Variants in STKLD1 observed in about 807,000 individuals in gnomAD.
STKLD1 encodes serine/threonine kinase like domain containing 1.
Under a neutral mutation model 80.4 loss-of-function variants are expected in STKLD1, and 79 were observed. That is an observed-to-expected ratio of 0.98 (90% CI 0.82 to 1.19). The LOEUF is 1.19. Among genes scored for constraint, STKLD1 ranks in the 50% most tolerant of loss-of-function variants. STKLD1 has a pLI of 0.00. For synonymous variants in STKLD1, 393 were observed against 357.6 expected, an observed-to-expected ratio of 1.10 and a Z score of -1.12; for missense variants, 841 against 856.0, an observed-to-expected ratio of 0.98 and a Z score of 0.22.
Position 133,385,779 on chromosome 9 carries a change from C to A in STKLD1, c.294+88C>A, listed in dbSNP as rs2130275569. ...CTGAGCCCAGAGCACGCCCACCCCC[C>A]ACTGTCAGAATAGCTCGTGTGGCAA... On this transcript the variant is annotated intron_variant, in intron 4 of 17. Coordinates refer to ENST00000371957, the MANE Select transcript of STKLD1 (RefSeq NM_153710.5). This position sits in a 1 kb window ranked among gnomAD's most constrained non-coding sequence, Gnocchi z 4.9. 1.5e-5 allele frequency: 19 copies of A among 1,245,902 alleles called. No individual in the cohort carries two copies. In the East Asian group the frequency reaches 4.4e-4, roughly 29 times the overall value. 77.2% of individuals were successfully genotyped at this position (1,245,902 alleles called of 1,614,324 possible). A position where few individuals can be genotyped will look rare whatever the true frequency, so the allele number is the denominator to read the frequency against.
In STKLD1 at chr9:133,394,251, A is replaced by G; in HGVS notation, c.584-40A>G. On this transcript the variant is annotated intron_variant, in intron 7 of 17. Coordinates refer to ENST00000371957, the MANE Select transcript of STKLD1 (RefSeq NM_153710.5). This position sits in a 1 kb window ranked among gnomAD's most constrained non-coding sequence, Gnocchi z 4.9. ...CTCTGTCAAGCCCCTGCCCCCAGGG[A>G]GCAAAGGACTCAGGGATCCCACCTT... 3 of 1,394,284 alleles carry G rather than the reference A, an allele frequency of 2.2e-6. No homozygotes were observed. Among genetic ancestry groups the G allele is most frequent in the Non-Finnish European group, 3.1e-6 (3 of 979,764 alleles). The allele number at this position is 1,394,284 out of a possible 1,614,324, so 86.4% of individuals were successfully genotyped here. A position where few individuals can be genotyped will look rare whatever the true frequency, so the allele number is the denominator to read the frequency against.
At chr9:133,382,890 G>A (rs1469484023) in intron 2 of STKLD1, among the ~76,000 whole-genome samples, 1 of 148,630 alleles carries the variant, frequency 6.7e-6, no homozygotes, top group Non-Finnish European at 1.5e-5. Flanking sequence ...GGTAATGATG[G>A]TGATGATGTT....
chr9:133,379,339 A>ACCTC (rs1225918414), intron 2 of STKLD1, among the ~76,000 whole-genome samples: 1 of 152,140 alleles, frequency 6.6e-6, no homozygotes, highest in East Asian at 1.9e-4. Flanking sequence ...CTCCAACACC[A>ACCTC]CCACCTCCCA....
chr9:133,383,379 A>G (rs1180134469), intron 2 of STKLD1, among the ~76,000 whole-genome samples: 5 of 856 alleles, frequency 5.8e-3, no homozygotes, highest in African/African-American at 0.011. Context: ...TGATGATGGT[A>G]ATGATGGTAA....
chr9:133,388,118 G>C (rs2130281725), intron 5 of STKLD1, among the ~76,000 whole-genome samples: 4 of 152,232 alleles, frequency 2.6e-5, no homozygotes, highest in African/African-American at 9.6e-5. Context: ...GGGTCGTAGA[G>C]TACATGTGTG....
intron 7 of STKLD1, among the ~76,000 whole-genome samples, chr9:133,391,590 T>C (rs1838399674): frequency 6.6e-6 from 1 of 150,986 alleles, no homozygotes; most frequent in African/African-American, 2.5e-5. Context: ...CTCTGAAACA[T>C]GTGCTGTGTC....
rs1217794458 is a variant in STKLD1 at position 133,385,335 on chromosome 9, TC to T, written c.220-281del. ...CCTGGCACTGCCTGCCACAGCTCAC[TC>T]ACCCCCCATGGTATCCCTGTGAGGC... On this transcript the variant is annotated intron_variant, in intron 3 of 17. Transcript: ENST00000371957. This position sits in a 1 kb window ranked among gnomAD's most constrained non-coding sequence, Gnocchi z 4.9. Among the ~76,000 whole-genome samples, 1 of 152,100 alleles carries T rather than the reference TC, an allele frequency of 6.6e-6. No homozygotes were observed. Among genetic ancestry groups the T allele is most frequent in the Non-Finnish European group, 1.5e-5 (1 of 68,014 alleles).
At chr9:133,397,609 GCCTCCCACAAC>G (rs1458347802) in intron 10 of STKLD1, among the ~76,000 whole-genome samples, 1 of 152,042 alleles carries the variant, frequency 6.6e-6, no homozygotes, top group Non-Finnish European at 1.5e-5. Context: ...CACTGCCCAC[GCCTCCCACAAC>G]CCTCTGCTTT....
chr9:133,397,068 A>G, intron 9 of STKLD1, 96 bp from the exon 10 acceptor site: 30 of 1,559,722 alleles, frequency 1.9e-5, no homozygotes, highest in Non-Finnish European at 2.6e-5. Flanking sequence ...TGTCCGCACC[A>G]ATGGGCAGCC....
intron 8 of STKLD1, 126 bp from the exon 9 acceptor site, chr9:133,395,474 G>A (rs1441622034): frequency 1.0e-6 from 1 of 1,001,348 alleles, no homozygotes; most frequent in East Asian, 2.5e-5. Context: ...CTTGTAGACG[G>A]TGGCCACACC....
chr9:133,397,789 T>C (rs4962047), intron 10 of STKLD1, among the ~76,000 whole-genome samples, 183 bp from the exon 11 acceptor site: 17,936 of 152,176 alleles, frequency 0.12, 1,394 homozygotes, highest in African/African-American at 0.22. Flanking sequence ...AAGGAAAAGT[T>C]GCTTGGTCTC....
Position 133,390,609 on chromosome 9 carries a change from C to T in STKLD1, c.468-72C>T. Reference sequence around the variant, plus strand: ...AGGCTCAGCACACACACTGGTCCCACCTGGGGTTGTGGGTGGTGGCTGCCC... The same window carrying T: ...AGGCTCAGCACACACACTGGTCCCATCTGGGGTTGTGGGTGGTGGCTGCCC... On this transcript the variant is annotated intron_variant, in intron 6 of 17. Coordinates refer to ENST00000371957, the MANE Select transcript of STKLD1 (RefSeq NM_153710.5). The surrounding 1 kb of genome is among the most constrained non-coding windows in gnomAD (Gnocchi z 5.1). 1.8e-6 allele frequency: 2 copies of T among 1,134,896 alleles called. No individual in the cohort carries two copies. The highest frequency in any genetic ancestry group is 2.7e-6 in the Non-Finnish European group (2 of 748,516). The allele number at this position is 1,134,896 out of a possible 1,614,324, so 70.3% of individuals were successfully genotyped here. A position where few individuals can be genotyped will look rare whatever the true frequency, so the allele number is the denominator to read the frequency against.
chr9:133,401,917 A>C, intron 13 of STKLD1, 39 bp downstream of exon 13: 1 of 1,607,470 alleles, frequency 6.2e-7, no homozygotes, highest in Non-Finnish European at 8.5e-7. Flanking sequence ...CCCACGCTCC[A>C]GGACAGCCCT....
chr9:133,390,595 A>C lies in STKLD1; in HGVS notation c.468-86A>C. The C allele has an allele frequency of 1.0e-6, 1 of 956,218 alleles. No individual in the cohort carries two copies. The highest frequency in any genetic ancestry group is 1.4e-5 in the South Asian group (1 of 72,398). 59.2% of individuals were successfully genotyped at this position (956,218 alleles called of 1,614,324 possible). On this transcript the variant is annotated intron_variant, in intron 6 of 17. Transcript: ENST00000371957. The surrounding 1 kb of genome is among the most constrained non-coding windows in gnomAD (Gnocchi z 5.1). ...GGGAGCAGAGAGTCAGGCTCAGCAC[A>C]CACACTGGTCCCACCTGGGGTTGTG...
In STKLD1 at chr9:133,397,834, CCCCT is replaced by C. The variant is rs1262996475; in HGVS notation, c.998-132_998-129del. On this transcript the variant is annotated intron_variant, in intron 10 of 17. Coordinates refer to ENST00000371957, the MANE Select transcript of STKLD1 (RefSeq NM_153710.5). Reference sequence around the variant, plus strand: ...ATCTGTAAAGTGGGGATGGTAACAGCCCCTCCCTCTCATCCTGAACCTGTGGATC... The same window carrying C: ...ATCTGTAAAGTGGGGATGGTAACAGCCCCTCTCATCCTGAACCTGTGGATC... 9 of 656,740 alleles carry C rather than the reference CCCCT, an allele frequency of 1.4e-5. No homozygotes were observed. In the East Asian group the frequency reaches 2.5e-4, roughly 18 times the overall value. The allele number at this position is 656,740 out of a possible 1,614,324, so 40.7% of individuals were successfully genotyped here. A position where few individuals can be genotyped will look rare whatever the true frequency, so the allele number is the denominator to read the frequency against.
At chr9:133,402,829 G>C (rs1838743090) in intron 13 of STKLD1, 49 bp from the exon 14 acceptor site, 11 of 1,570,362 alleles carry the variant, frequency 7.0e-6, no homozygotes, top group Non-Finnish European at 9.5e-6. Context: ...AGGCAGGAAG[G>C]CTTCCTGGAG....
chr9:133,405,168 G>C, intron 17 of STKLD1, 84 bp from the exon 18 acceptor site: 2 of 1,486,020 alleles, frequency 1.3e-6, no homozygotes, highest in South Asian at 2.7e-5. Flanking sequence ...AAGGGGGAAT[G>C]TGACCCACTC....
intron 11 of STKLD1, among the ~76,000 whole-genome samples, chr9:133,399,822 T>C (rs1838649249): frequency 6.7e-6 from 1 of 148,234 alleles, no homozygotes. Context: ...GAGGTTGCAG[T>C]GAGCTGAGAT....
chr9:133,404,545 A>G (rs28690644), intron 16 of STKLD1, among the ~76,000 whole-genome samples: 15,989 of 151,974 alleles, frequency 0.11, 1,057 homozygotes, highest in African/African-American at 0.18. Flanking sequence ...TGTACTACCT[A>G]ATCTTCCCCA....
Sources: allele counts gnomAD v4.1 joint callset (sites outside exome capture counted in the v4.1 genomes callset), GRCh38; gene constraint gnomAD v4.1.1; non-coding constraint Gnocchi (gnomAD v3.1); transcripts MANE v1.5; gene names NCBI Gene and HGNC (gene_info 2026-07-23, HGNC 2026-07-21).